The following NELL1 variants were observed in gnomAD, a reference collection of about 807,000 sequenced individuals.
NELL1 encodes the protein protein kinase C-binding protein NELL1.
Under a neutral mutation model 107.4 loss-of-function variants are expected in NELL1, and 76 were observed. The observed-to-expected ratio is 0.71, with a 90% CI of 0.59 to 0.86. The LOEUF (loss-of-function observed/expected upper bound fraction) is 0.86, where lower values mean the gene tolerates loss of function less well. NELL1 is among the 40% of genes least tolerant of loss of function. NELL1 has a pLI of 0.00. For missense variants in NELL1, 1,024 were observed against 1,005.5 expected, an observed-to-expected ratio of 1.02 and a Z score of -0.25; for synonymous variants, 353 against 341.2, an observed-to-expected ratio of 1.03 and a Z score of -0.38.
chr11:21,448,335 GA>G (rs1246230129), intron 15 of NELL1, among the ~76,000 whole-genome samples: 4 of 152,076 alleles, frequency 2.6e-5, no homozygotes, highest in Non-Finnish European at 5.9e-5. Flanking sequence ...TGCTACTGCT[GA>G]TTGCTTTTCC....
At chr11:21,322,066 G>C (rs1850022614) in intron 14 of NELL1, among the ~76,000 whole-genome samples, 1 of 152,148 alleles carries the variant, frequency 6.6e-6, no homozygotes, top group South Asian at 2.1e-4. Flanking sequence ...AGATGTGTGG[G>C]CCAGGATGAT....
intron 15 of NELL1, among the ~76,000 whole-genome samples, chr11:21,461,753 T>C (rs1210304774): frequency 6.6e-6 from 1 of 152,172 alleles, no homozygotes; most frequent in Non-Finnish European, 1.5e-5. Context: ...TGGAAGATGC[T>C]GTAAAGACAG....
Position 21,126,021 on chromosome 11 carries a change from G to A in NELL1, c.1426+12307G>A, listed in dbSNP as rs529556538. On this transcript the variant is annotated intron_variant, in intron 13 of 19. Transcript: ENST00000357134. Reference sequence around the variant, plus strand: ...GAAGAGAGCTCAGCATAGAGTAAACGCTCAATAACTGTTAGCAATTACTAC... The same window carrying A: ...GAAGAGAGCTCAGCATAGAGTAAACACTCAATAACTGTTAGCAATTACTAC... 5.9e-5 allele frequency among the ~76,000 whole-genome samples: 9 copies of A among 152,234 alleles called. No individual in the cohort carries two copies. The South Asian group carries it at 1.5e-3, about 25-fold the overall frequency.
At chr11:20,820,260 A>G (rs902225544) in intron 3 of NELL1, among the ~76,000 whole-genome samples, 4 of 152,206 alleles carry the variant, frequency 2.6e-5, no homozygotes, top group African/African-American at 7.2e-5. Flanking sequence ...TCCTTCCCTG[A>G]CAAATATTAG....
intron 13 of NELL1, among the ~76,000 whole-genome samples, chr11:21,184,527 C>A (rs1447428871): frequency 6.6e-6 from 1 of 151,844 alleles, no homozygotes; most frequent in Non-Finnish European, 1.5e-5. Flanking sequence ...GCCTTGGCCT[C>A]CCAAAGTGCT....
At chr11:20,962,006 A>G (rs1231016773) in intron 12 of NELL1, among the ~76,000 whole-genome samples, 3 of 151,918 alleles carry the variant, frequency 2.0e-5, no homozygotes, top group African/African-American at 7.2e-5. Context: ...TGTTACTACC[A>G]TAATTTTTAT....
chr11:21,149,666 G>GT (rs922131266), intron 13 of NELL1, among the ~76,000 whole-genome samples: 1 of 152,142 alleles, frequency 6.6e-6, no homozygotes, highest in African/African-American at 2.4e-5. Context: ...GTCTTCATTT[G>GT]TTTTTTCATG....
chr11:21,471,539 A>G (rs1439154941), intron 15 of NELL1, among the ~76,000 whole-genome samples: 1 of 152,104 alleles, frequency 6.6e-6, no homozygotes, highest in Admixed American at 6.6e-5. Context: ...TAAGTGAATT[A>G]TATAACAATA....
intron 14 of NELL1, among the ~76,000 whole-genome samples, chr11:21,263,359 A>G (rs1302076298): frequency 6.6e-6 from 1 of 151,980 alleles, no homozygotes; most frequent in East Asian, 1.9e-4. Flanking sequence ...ATGTGGGGTA[A>G]CGGCGAGCCA....
At chr11:21,351,045 A>T (rs959346562) in intron 14 of NELL1, among the ~76,000 whole-genome samples, 1 of 152,144 alleles carries the variant, frequency 6.6e-6, no homozygotes, top group South Asian at 2.1e-4. Flanking sequence ...TATAAATGAT[A>T]TCAGTAATAA....
intron 12 of NELL1, among the ~76,000 whole-genome samples, chr11:21,077,508 C>T (rs10833454): frequency 0.22 from 33,753 of 151,860 alleles, 3,943 homozygotes; most frequent in East Asian, 0.36. Flanking sequence ...TTTGGGAGGG[C>T]GAGGCAGGTG....
In NELL1 at chr11:21,113,619, A is replaced by T; in HGVS notation, c.1331A>T (p.Tyr444Phe). The change falls in exon 13 of 20, where the codon TAC becomes TTC. Residue 444 changes from tyrosine to phenylalanine, a missense_variant. Tyr to Phe is a conservative substitution (Grantham distance 22, BLOSUM62 3). Transcript: ENST00000357134. ...GATGAGTGTGCAGCTAAGATGCATT[A>T]CTGTCATGCCAATACTGTGTGTGTC... is the stretch of plus-strand genomic sequence containing the variant. Reference protein sequence around the residue: ...DIDECAAKMHYCHANTVCVNL... With the variant: ...DIDECAAKMHFCHANTVCVNL... 1 of 1,612,092 alleles carries T rather than the reference A, an allele frequency of 6.2e-7. No individual in the cohort carries two copies. Among genetic ancestry groups the T allele is most frequent in the Non-Finnish European group, 8.5e-7 (1 of 1,178,648 alleles).
rs1375959480 is a variant in NELL1, at chr11:21,493,030, A to G, written c.1646-41344A>G. On this transcript the variant is annotated intron_variant, in intron 15 of 19. Coordinates refer to ENST00000357134, the MANE Select transcript of NELL1 (RefSeq NM_006157.5). ...ATGAAATGAAAATCAAAATCACAAT[A>G]AAGTGTCATCTTATCTTACTCCAGT... Among the ~76,000 whole-genome samples the G allele has an allele frequency of 2.0e-5, 3 of 152,050 alleles. No individual in the cohort carries two copies. The East Asian group carries it at 5.8e-4, about 29-fold the overall frequency.
At chr11:20,897,789 T>C (rs1849780131) in intron 5 of NELL1, among the ~76,000 whole-genome samples, 1 of 152,228 alleles carries the variant, frequency 6.6e-6, no homozygotes, top group Admixed American at 6.5e-5. Flanking sequence ...AAAGAAGACA[T>C]TTATGCAGCC....
chr11:20,751,532 G>A (rs1564893151), intron 2 of NELL1, among the ~76,000 whole-genome samples: 1 of 151,988 alleles, frequency 6.6e-6, no homozygotes, highest in Admixed American at 6.6e-5. Context: ...GCCGGAGTGT[G>A]ATGGCATGAC....
chr11:21,462,169 A>G (rs1486913237), intron 15 of NELL1, among the ~76,000 whole-genome samples: 1 of 152,146 alleles, frequency 6.6e-6, no homozygotes, highest in Non-Finnish European at 1.5e-5. Flanking sequence ...ATGGAAATCT[A>G]TTCAAACTGT....
intron 15 of NELL1, among the ~76,000 whole-genome samples, chr11:21,489,799 A>C (rs190073098): frequency 7.9e-5 from 12 of 152,200 alleles, no homozygotes; most frequent in South Asian, 2.1e-4. Context: ...CATACCTCAA[A>C]ATAATCATGC....
At chr11:20,984,143 C>T (rs79003712) in intron 12 of NELL1, among the ~76,000 whole-genome samples, 2,323 of 152,188 alleles carry the variant, frequency 0.015, 51 homozygotes, top group African/African-American at 0.053. Flanking sequence ...TGTATCTCTC[C>T]TTTTTTGTAC....
chr11:20,782,191 G>A (rs1174962444), intron 2 of NELL1, among the ~76,000 whole-genome samples: 3 of 152,162 alleles, frequency 2.0e-5, no homozygotes, highest in Admixed American at 6.5e-5. Flanking sequence ...AGGCATAGAA[G>A]CATTTTTCAA....
Sources: gnomAD v4.1 joint callset for allele counts (sites outside exome capture counted in the v4.1 genomes callset) on GRCh38, gnomAD v4.1.1 for gene constraint, MANE v1.5 for transcripts, NCBI Gene and HGNC (gene_info 2026-07-23, HGNC 2026-07-21) for gene names.